SNX16: variants seen among roughly 807,000 people sequenced by gnomAD.
SNX16 encodes the protein sorting nexin-16.
A neutral mutation model predicts 36.7 loss-of-function variants in SNX16; 35 were observed. The observed-to-expected ratio is 0.95, with a 90% CI of 0.73 to 1.27. The LOEUF (loss-of-function observed/expected upper bound fraction) is 1.27, where lower values mean the gene tolerates loss of function less well. Among genes scored for constraint, SNX16 ranks in the 50% most tolerant of loss-of-function variants. The pLI is 0.00. For synonymous variants in SNX16, 134 were observed against 132.0 expected (o/e 1.02, Z -0.10); for missense variants, 367 against 393.6 (o/e 0.93, Z 0.57).
At chr8:81,835,840 A>G (rs1289601739) in intron 2 of SNX16, among the ~76,000 whole-genome samples, 6 of 152,196 alleles carry the variant, frequency 3.9e-5, no homozygotes, top group Non-Finnish European at 8.8e-5. Context: ...ACAAGAGAGG[A>G]CAGCTTGTGC....
In SNX16 at chr8:81,799,968, T is replaced by C. The variant is rs1563424696; in HGVS notation, c.*1529A>G. The stretch of plus-strand genomic sequence containing the variant: ...ATAGCAAACATATTTCTGATACACA[T>C]TGTGAAAAATGTTCTGAGAACATAC... On this transcript the variant is annotated 3_prime_UTR_variant, in exon 8 of 8. Coordinates refer to ENST00000345957, the MANE Select transcript of SNX16 (RefSeq NM_152836.3). The C allele has an allele frequency of 2.0e-5, 3 of 149,562 alleles. No homozygotes were observed. Among genetic ancestry groups the C allele is most frequent in the Non-Finnish European group, 3.0e-5 (2 of 67,314 alleles). 9.3% of individuals were successfully genotyped at this position (149,562 alleles called of 1,614,324 possible).
In SNX16 at chr8:81,823,836, T is replaced by C. The variant is rs1312463379; in HGVS notation, c.567A>G (p.Gln189=). Residue 189 remains glutamine (Q), a synonymous_variant, in exon 4 of 8, where the codon CAA becomes CAG. Transcript: ENST00000345957. ...GAGCTACTAAATTTTGAAGAAACGCTTGTAATCCTAATTGTCTGTCTTCTA... is the reference window on the plus strand; with the variant it reads ...GAGCTACTAAATTTTGAAGAAACGCCTGTAATCCTAATTGTCTGTCTTCTA... The part of the protein sequence containing the change: ...DFLEDRQLGL[Q]AFLQNLVAHK... 1 of 1,611,780 alleles carries C rather than the reference T, an allele frequency of 6.2e-7. No homozygotes were observed. Among genetic ancestry groups the C allele is most frequent in the Non-Finnish European group, 8.5e-7 (1 of 1,178,922 alleles).
chr8:81,804,150 A>G (rs1809832837), intron 5 of SNX16, among the ~76,000 whole-genome samples: 1 of 151,990 alleles, frequency 6.6e-6, no homozygotes, highest in African/African-American at 2.4e-5. Flanking sequence ...AAAAATAACT[A>G]TCAAGGTAGA....
chr8:81,816,405 G>C (rs958433261), intron 4 of SNX16, among the ~76,000 whole-genome samples: 1 of 151,682 alleles, frequency 6.6e-6, no homozygotes, highest in Admixed American at 6.6e-5. Context: ...GGCCAGGCTG[G>C]TCTCCCACTC....
Position 81,815,373 on chromosome 8 carries a change from AAG to A in SNX16, c.631_632del (p.Cys212PhefsTer3). ...IANCLAVREF[L>X]CLDDPPGPFD... ...ATGGACCCGGTGGATCATCCAAACA[AAG>A]AAATTCTCTCACTGCAAGGCTTTTC... On this transcript the variant is annotated frameshift_variant, in exon 5 of 8. Transcript: ENST00000345957. LOFTEE classifies it high-confidence loss of function. The A allele has an allele frequency of 6.2e-7, 1 of 1,612,806 alleles. No individual in the cohort carries two copies. Among genetic ancestry groups the A allele is most frequent in the Non-Finnish European group, 8.5e-7 (1 of 1,179,260 alleles).
chr8:81,831,959 T>C (rs1811292137), intron 2 of SNX16, among the ~76,000 whole-genome samples: 1 of 152,196 alleles, frequency 6.6e-6, no homozygotes, highest in Non-Finnish European at 1.5e-5. Context: ...TATATATTGC[T>C]GGTAGAACTG....
intron 4 of SNX16, among the ~76,000 whole-genome samples, chr8:81,815,876 AT>A (rs1220704660): frequency 1.3e-5 from 2 of 152,190 alleles, no homozygotes; most frequent in African/African-American, 4.8e-5. Context: ...TTACTTAAAT[AT>A]TTTCCCTAGA....
chr8:81,828,426 T>C (rs1441522124), intron 3 of SNX16, among the ~76,000 whole-genome samples: 2 of 152,200 alleles, frequency 1.3e-5, no homozygotes, highest in African/African-American at 4.8e-5. Context: ...TTTATGTTTC[T>C]TCTGTGAATT....
intron 2 of SNX16, 104 bp downstream of exon 2, chr8:81,839,508 A>G (rs922937395): frequency 1.5e-5 from 17 of 1,162,020 alleles, no homozygotes; most frequent in Non-Finnish European, 2.0e-5. Flanking sequence ...TTTCATATTC[A>G]AGAAATTATA....
chr8:81,835,032 C>T (rs1441059939), intron 2 of SNX16, among the ~76,000 whole-genome samples: 1 of 152,256 alleles, frequency 6.6e-6, no homozygotes, highest in South Asian at 2.1e-4. Context: ...TCTGCCTGGG[C>T]ATCCAGGCAT....
At chr8:81,820,037 T>C (rs969414065) in intron 4 of SNX16, among the ~76,000 whole-genome samples, 1 of 152,062 alleles carries the variant, frequency 6.6e-6, no homozygotes, top group African/African-American at 2.4e-5. Flanking sequence ...CAATATCAAA[T>C]AATTATTTGG....
rs1365878066 is a variant in SNX16 at position 81,817,960 on chromosome 8, A to C, written c.612-2566T>G. 3.3e-5 allele frequency among the ~76,000 whole-genome samples: 5 copies of C among 152,210 alleles called. No homozygotes were observed. In the South Asian group the frequency reaches 8.3e-4, roughly 25 times the overall value. On this transcript the variant is annotated intron_variant, in intron 4 of 7. Coordinates refer to ENST00000345957, the MANE Select transcript of SNX16 (RefSeq NM_152836.3). ...ATTTTAAAATTGGGGTCAGGTGTTG[A>C]CTTAATTTACTAAAGGCAGATAAGG...
intron 5 of SNX16, among the ~76,000 whole-genome samples, chr8:81,813,037 TGG>T (rs1392162683): frequency 6.6e-6 from 1 of 151,798 alleles, no homozygotes; most frequent in Non-Finnish European, 1.5e-5. Context: ...AGGAATGGGA[TGG>T]AGACAGATGA....
At position 81,802,509 on chromosome 8, in the gene SNX16, T is replaced by C; in HGVS notation, c.819-10A>G. On this transcript the variant is annotated splice_polypyrimidine_tract_variant and intron_variant, in intron 6 of 7. Coordinates refer to ENST00000345957, the MANE Select transcript of SNX16 (RefSeq NM_152836.3). Reference sequence around the variant, plus strand: ...TTCTAAAGACAATGTTCTAAAAGTATGTTATAGCAACAAGTTATTTTCTAT... The same window carrying C: ...TTCTAAAGACAATGTTCTAAAAGTACGTTATAGCAACAAGTTATTTTCTAT... 1.3e-6 allele frequency: 2 copies of C among 1,598,678 alleles called. No homozygotes were observed. Among genetic ancestry groups the C allele is most frequent in the Non-Finnish European group, 1.7e-6 (2 of 1,172,948 alleles).
intron 4 of SNX16, among the ~76,000 whole-genome samples, chr8:81,819,076 T>C (rs1233730859): frequency 1.3e-5 from 2 of 152,094 alleles, no homozygotes; most frequent in Non-Finnish European, 2.9e-5. Context: ...TTTAAAAAAA[T>C]AGATGTAGAA....
rs1029032692 is a variant in SNX16 at position 81,801,240 on chromosome 8, T to C, written c.*257A>G. ...ATAATTTATGCACAGTATTTAAGAA[T>C]GTGGGCCTTGATAACAGAATTCCAA... On this transcript the variant is annotated 3_prime_UTR_variant, in exon 8 of 8. Transcript: ENST00000345957. 6.5e-6 allele frequency: 2 copies of C among 307,630 alleles called. No individual in the cohort carries two copies. Among genetic ancestry groups the C allele is most frequent in the Non-Finnish European group, 1.2e-5 (2 of 168,400 alleles). The allele number at this position is 307,630 out of a possible 1,614,324, so 19.1% of individuals were successfully genotyped here.
At chr8:81,823,970 G>C (rs1281412378) in intron 3 of SNX16, 30 bp from the exon 4 acceptor site, 1 of 1,590,716 alleles carries the variant, frequency 6.3e-7, no homozygotes, top group Admixed American at 1.8e-5. Flanking sequence ...CAAATACAAT[G>C]TTTAACTCAA....
intron 7 of SNX16, 49 bp downstream of exon 7, chr8:81,802,331 T>C (rs1219096463): frequency 1.3e-6 from 2 of 1,493,336 alleles, no homozygotes; most frequent in Non-Finnish European, 1.8e-6. Flanking sequence ...AGAATCACTT[T>C]CCTCCAATTA....
At position 81,799,733 on chromosome 8, in the gene SNX16, T is replaced by C. The variant is rs940970763; in HGVS notation, c.*1764A>G. 8 of 151,924 alleles carry C rather than the reference T, an allele frequency of 5.3e-5. No homozygotes were observed. Among genetic ancestry groups the C allele is most frequent in the Non-Finnish European group, 1.2e-4 (8 of 67,854 alleles). The allele number at this position is 151,924 out of a possible 1,614,324, so 9.4% of individuals were successfully genotyped here. A position where few individuals can be genotyped will look rare whatever the true frequency, so the allele number is the denominator to read the frequency against. ...CATCCTTGAAGAACTTTAAATACAA[T>C]CTTCCAAAAAGCCAGATTGAAAAAG... On this transcript the variant is annotated 3_prime_UTR_variant, in exon 8 of 8. Transcript: ENST00000345957.
Sources: allele counts gnomAD v4.1 joint callset (sites outside exome capture counted in the v4.1 genomes callset), GRCh38; gene constraint gnomAD v4.1.1; transcripts MANE v1.5; gene names NCBI Gene and HGNC (gene_info 2026-07-23, HGNC 2026-07-21).